The following TRAM1 variants were observed in gnomAD, a reference collection of about 807,000 sequenced individuals.
The protein encoded by TRAM1 is translocating chain-associated membrane protein 1.
In TRAM1, 17 loss-of-function variants were observed where a neutral mutation model predicts 48.7. That is an observed-to-expected ratio of 0.35 (90% confidence interval 0.24 to 0.52). The LOEUF is 0.52. Ranked by LOEUF, TRAM1 falls within the 20% of genes least tolerant of loss-of-function variation. The pLI is 0.94. For missense variants in TRAM1, 351 were observed against 441.5 expected (o/e 0.79, Z 1.84); for synonymous variants, 182 against 154.0 (o/e 1.18, Z -1.34).
At chr8:70,594,473 G>T in intron 6 of TRAM1, 33 bp downstream of exon 6, 1 of 1,526,368 alleles carries the variant, frequency 6.6e-7, no homozygotes, top group Non-Finnish European at 8.8e-7. Context: ...AAAATGACAA[G>T]ACATTTTTTA....
chr8:70,592,872 C>A (rs1411207499), intron 6 of TRAM1, among the ~76,000 whole-genome samples: 2 of 152,186 alleles, frequency 1.3e-5, no homozygotes, highest in African/African-American at 4.8e-5. Context: ...AGCTAATAAG[C>A]ACTTGAAATG....
intron 10 of TRAM1, 33 bp downstream of exon 10, chr8:70,583,130 TC>T: frequency 6.3e-7 from 1 of 1,583,094 alleles, no homozygotes; most frequent in Non-Finnish European, 8.6e-7. Context: ...GTTTTCTACT[TC>T]CATGAGTTTT....
At chr8:70,580,168 A>G (rs1229145658) in intron 10 of TRAM1, among the ~76,000 whole-genome samples, 1 of 152,208 alleles carries the variant, frequency 6.6e-6, no homozygotes, top group African/African-American at 2.4e-5. Flanking sequence ...CTCTTCCAAA[A>G]AACAGAAAAG....
intron 1 of TRAM1, 60 bp from the exon 2 acceptor site, chr8:70,600,142 C>A (rs268593): frequency 7.2e-7 from 1 of 1,387,390 alleles, no homozygotes; most frequent in Non-Finnish European, 1.0e-6. Flanking sequence ...AATAACAGAT[C>A]GGGGCAAAAA....
chr8:70,580,836 T>C (rs904907133), intron 10 of TRAM1, among the ~76,000 whole-genome samples: 1 of 151,892 alleles, frequency 6.6e-6, no homozygotes, highest in African/African-American at 2.4e-5. Flanking sequence ...GTATTTCATA[T>C]ACAATGGCAA....
chr8:70,602,163 G>A (rs998248260), intron 1 of TRAM1, among the ~76,000 whole-genome samples: 2 of 152,220 alleles, frequency 1.3e-5, no homozygotes, highest in African/African-American at 4.8e-5. Context: ...CAAAAGAGAT[G>A]TGGGAGGAAA....
intron 6 of TRAM1, among the ~76,000 whole-genome samples, chr8:70,588,910 GGTGGGTT>G (rs1817287509): frequency 6.6e-6 from 1 of 152,216 alleles, no homozygotes; most frequent in African/African-American, 2.4e-5. Context: ...CGATGGAAAT[GGTGGGTT>G]GCTGCTGGCA....
intron 4 of TRAM1, 31 bp from the exon 5 acceptor site, chr8:70,596,352 G>T: frequency 6.6e-7 from 1 of 1,522,622 alleles, no homozygotes; most frequent in South Asian, 1.2e-5. Context: ...ATTAACCTGT[G>T]AGCATAATGC....
At chr8:70,575,510 C>A (rs1156895807) in intron 10 of TRAM1, among the ~76,000 whole-genome samples, 2 of 151,994 alleles carry the variant, frequency 1.3e-5, no homozygotes, top group African/African-American at 4.8e-5. Flanking sequence ...TCTTGAACTC[C>A]CGGGGACCAG....
intron 1 of TRAM1, among the ~76,000 whole-genome samples, chr8:70,601,596 A>C (rs1365978904): frequency 6.6e-6 from 1 of 152,232 alleles, no homozygotes; most frequent in African/African-American, 2.4e-5. Flanking sequence ...GGCCTGGTAC[A>C]TATTAGGTAA....
In TRAM1 at chr8:70,573,469, T is replaced by C. The variant is rs1259716016; in HGVS notation, c.*1463A>G. ...GTGAAAGTAAAAATTTTTATTTTGA[T>C]TGATTTCTCAATGTATAGTTCAGTA... On this transcript the variant is annotated 3_prime_UTR_variant, in exon 11 of 11. Transcript: ENST00000262213. 6.6e-6 allele frequency: 1 copy of C among 152,660 alleles called. No individual in the cohort carries two copies. Among genetic ancestry groups the C allele is most frequent in the East Asian group, 1.9e-4 (1 of 5,202 alleles). The allele number at this position is 152,660 out of a possible 1,614,324, so 9.5% of individuals were successfully genotyped here.
chr8:70,599,120 T>C (rs1450557152), intron 2 of TRAM1, among the ~76,000 whole-genome samples: 3 of 152,074 alleles, frequency 2.0e-5, no homozygotes, highest in Non-Finnish European at 2.9e-5. Context: ...TAGCTGGGCG[T>C]GGTGGTGTGC....
Position 70,574,460 on chromosome 8 carries a change from C to CA in TRAM1, c.*471dup, listed in dbSNP as rs1266719952. 3.4e-5 allele frequency: 7 copies of CA among 207,976 alleles called. No homozygotes were observed. Among genetic ancestry groups the CA allele is most frequent in the Non-Finnish European group, 6.8e-5 (7 of 102,510 alleles). The allele number at this position is 207,976 out of a possible 1,614,324, so 12.9% of individuals were successfully genotyped here. Reference sequence around the variant, plus strand: ...CCAGGTGTAAAGTCTACAAAAATTCCAAAAAATTAGAGAACACTGAAAACA... The same window carrying CA: ...CCAGGTGTAAAGTCTACAAAAATTCCAAAAAAATTAGAGAACACTGAAAACA... On this transcript the variant is annotated 3_prime_UTR_variant, in exon 11 of 11. Coordinates refer to ENST00000262213, the MANE Select transcript of TRAM1 (RefSeq NM_014294.6).
In TRAM1 at chr8:70,574,280, A is replaced by T. The variant is rs1337832368; in HGVS notation, c.*652T>A. The T allele has an allele frequency of 2.5e-6, 1 of 403,224 alleles. No homozygotes were observed. Among genetic ancestry groups the T allele is most frequent in the Non-Finnish European group, 4.8e-6 (1 of 210,098 alleles). 25.0% of individuals were successfully genotyped at this position (403,224 alleles called of 1,614,324 possible). On this transcript the variant is annotated 3_prime_UTR_variant, in exon 11 of 11. Coordinates refer to ENST00000262213, the MANE Select transcript of TRAM1 (RefSeq NM_014294.6). Reference sequence around the variant, plus strand: ...AAGATTTTACTTCACAAGTACTTTTAAGAATATACTTTGATTTAATATGTA... The same window carrying T: ...AAGATTTTACTTCACAAGTACTTTTTAGAATATACTTTGATTTAATATGTA...
chr8:70,583,374 T>C (rs760291177), intron 9 of TRAM1, 50 bp from the exon 10 acceptor site: 26 of 1,554,936 alleles, frequency 1.7e-5, no homozygotes, highest in Non-Finnish European at 2.3e-5. Flanking sequence ...ACAATGCCAC[T>C]GAATACATTC....
chr8:70,588,967 T>A (rs1817288608), intron 6 of TRAM1, among the ~76,000 whole-genome samples: 1 of 152,238 alleles, frequency 6.6e-6, no homozygotes, highest in Non-Finnish European at 1.5e-5. Flanking sequence ...TAAACTTATC[T>A]CTTGCATTTA....
At position 70,597,979 on chromosome 8, in the gene TRAM1, T is replaced by G. The variant is rs2132041425; in HGVS notation, c.342A>C (p.Thr114=). Residue 114 remains threonine (T), a synonymous_variant, in exon 4 of 11, where the codon ACA becomes ACC. Transcript: ENST00000262213. ...KINRRMHFSK[T]KHSKFNESGQ... ...CAGATTCATTAAACTTGCTGTGTTT[T>G]GTTTTGGAGAAGTGCATTCGCCTGT... is the stretch of plus-strand genomic sequence containing the variant. 1 of 1,598,620 alleles carries G rather than the reference T, an allele frequency of 6.3e-7. No homozygotes were observed. The highest frequency in any genetic ancestry group is 8.5e-7 in the Non-Finnish European group (1 of 1,171,092).
intron 10 of TRAM1, among the ~76,000 whole-genome samples, chr8:70,579,343 G>A (rs1286454090): frequency 6.6e-6 from 1 of 152,178 alleles, no homozygotes; most frequent in East Asian, 1.9e-4. Flanking sequence ...AAATGGTATT[G>A]GAGAAATAAA....
chr8:70,591,589 TATAAC>T (rs950646619), intron 6 of TRAM1, among the ~76,000 whole-genome samples: 15 of 152,256 alleles, frequency 9.9e-5, no homozygotes, highest in East Asian at 7.7e-4. Flanking sequence ...TATTAAAAAA[TATAAC>T]ATACTTCAAA....
Sources: gnomAD v4.1 joint callset for allele counts (sites outside exome capture counted in the v4.1 genomes callset) on GRCh38, gnomAD v4.1.1 for gene constraint, MANE v1.5 for transcripts, NCBI Gene and HGNC (gene_info 2026-07-23, HGNC 2026-07-21) for gene names.